The following COL25A1 variants were observed in gnomAD, a reference collection of about 807,000 sequenced individuals.
COL25A1 encodes collagen alpha-1(XXV) chain.
COL25A1 carries 103 observed loss-of-function variants against 128.4 expected under a neutral mutation model. That is an observed-to-expected ratio of 0.80 (90% confidence interval 0.68 to 0.94). The LOEUF is 0.94. COL25A1 is among the 40% of genes least tolerant of loss of function. COL25A1 has a pLI of 0.00. For missense variants in COL25A1, 745 were observed against 840.0 expected (o/e 0.89, Z 1.40); for synonymous variants, 279 against 277.2 (o/e 1.01, Z -0.06).
intron 16 of COL25A1, among the ~76,000 whole-genome samples, chr4:108,893,023 A>AT (rs1741698040): frequency 6.6e-6 from 1 of 152,160 alleles, no homozygotes; most frequent in Non-Finnish European, 1.5e-5. Flanking sequence ...TTCAGGTGTG[A>AT]TTTTATGAAA....
intron 19 of COL25A1, among the ~76,000 whole-genome samples, chr4:108,872,699 C>T (rs887769856): frequency 6.6e-6 from 1 of 151,644 alleles, no homozygotes; most frequent in African/African-American, 2.4e-5. Flanking sequence ...TATACACACA[C>T]ACACACACAT....
At chr4:108,905,853 G>GT (rs1396930296) in intron 13 of COL25A1, among the ~76,000 whole-genome samples, 3 of 151,466 alleles carry the variant, frequency 2.0e-5, no homozygotes, top group African/African-American at 7.3e-5. Context: ...AGTATGTCGG[G>GT]GGGGGGTGCG....
intron 8 of COL25A1, among the ~76,000 whole-genome samples, chr4:108,974,033 G>A (rs1752180911): frequency 1.3e-5 from 2 of 152,146 alleles, no homozygotes; most frequent in Non-Finnish European, 2.9e-5. Flanking sequence ...AATCCATATG[G>A]CCTCTATGTT....
chr4:108,822,738 T>C (rs550830720), intron 35 of COL25A1, among the ~76,000 whole-genome samples: 6 of 152,346 alleles, frequency 3.9e-5, no homozygotes, highest in Middle Eastern at 3.4e-3. Context: ...ATATCATCTT[T>C]AAAACACACT....
chr4:108,970,763 A>G (rs1212165007), intron 8 of COL25A1, among the ~76,000 whole-genome samples: 1 of 152,162 alleles, frequency 6.6e-6, no homozygotes, highest in East Asian at 1.9e-4. Context: ...TATGTATTCA[A>G]CTTCTAAAAA....
At chr4:108,939,719 ATAATT>A (rs1419033125) in intron 10 of COL25A1, among the ~76,000 whole-genome samples, 3 of 152,190 alleles carry the variant, frequency 2.0e-5, no homozygotes, top group Non-Finnish European at 2.9e-5. Context: ...CATTGAATAA[ATAATT>A]TAATCCAGTA....
At chr4:109,214,898 G>T (rs577455202) in intron 3 of COL25A1, among the ~76,000 whole-genome samples, 18 of 152,224 alleles carry the variant, frequency 1.2e-4, no homozygotes, top group African/African-American at 4.1e-4. Context: ...TTTCATTCTG[G>T]TTTAGTCTGG....
chr4:109,101,575 T>C (rs1765894476), intron 3 of COL25A1, among the ~76,000 whole-genome samples: 1 of 152,232 alleles, frequency 6.6e-6, no homozygotes, highest in South Asian at 2.1e-4. Context: ...ATCACTACTC[T>C]GTTTGCAGAA....
intron 32 of COL25A1, among the ~76,000 whole-genome samples, chr4:108,829,387 GTATCTATCTATCTATCTATCTATC>G (rs34296727): frequency 2.2e-4 from 33 of 147,678 alleles, no homozygotes; most frequent in African/African-American, 3.8e-4. Flanking sequence ...GTGTAAGTGT[GTATCTATCTATCTATCTATCTATC>G]TATCTATCTA....
intron 6 of COL25A1, among the ~76,000 whole-genome samples, chr4:108,992,100 C>T (rs1754286244): frequency 6.6e-6 from 1 of 152,098 alleles, no homozygotes; most frequent in Non-Finnish European, 1.5e-5. Flanking sequence ...GTGCAGTTGT[C>T]CGATGGTACT....
At chr4:109,191,390 G>C (rs918047997) in intron 3 of COL25A1, among the ~76,000 whole-genome samples, 4 of 152,138 alleles carry the variant, frequency 2.6e-5, no homozygotes, top group Admixed American at 1.3e-4. Context: ...TCATACCCTT[G>C]TGTGCCATAC....
At chr4:109,077,832 G>A (rs541667656) in intron 3 of COL25A1, among the ~76,000 whole-genome samples, 1 of 152,302 alleles carries the variant, frequency 6.6e-6, no homozygotes, top group African/African-American at 2.4e-5. Context: ...AATGTGAGGA[G>A]GTCATTTATA....
chr4:109,081,079 C>T (rs1763793708), intron 3 of COL25A1, among the ~76,000 whole-genome samples: 1 of 152,168 alleles, frequency 6.6e-6, no homozygotes, highest in Non-Finnish European at 1.5e-5. Flanking sequence ...GCATTTCATG[C>T]ATGGTCAATA....
chr4:109,122,483 G>T (rs1768193354), intron 3 of COL25A1, among the ~76,000 whole-genome samples: 1 of 152,044 alleles, frequency 6.6e-6, no homozygotes, highest in African/African-American at 2.4e-5. Flanking sequence ...GAGGGGAGAA[G>T]AAGGGAAGTC....
intron 3 of COL25A1, among the ~76,000 whole-genome samples, chr4:109,299,956 C>A (rs1355036910): frequency 1.3e-5 from 2 of 151,910 alleles, no homozygotes; most frequent in East Asian, 3.9e-4. Context: ...TTCCCTGAAG[C>A]TACACAGGAA....
chr4:109,029,801 TCATA>T (rs1758660659), intron 5 of COL25A1, among the ~76,000 whole-genome samples: 1 of 152,158 alleles, frequency 6.6e-6, no homozygotes, highest in Non-Finnish European at 1.5e-5. Context: ...TACAGAGTAC[TCATA>T]CAAATTTGTA....
chr4:108,909,345 A>G (rs776388063), intron 13 of COL25A1, among the ~76,000 whole-genome samples: 1 of 152,242 alleles, frequency 6.6e-6, no homozygotes, highest in Non-Finnish European at 1.5e-5. Context: ...AAAGTAGACA[A>G]GTATATCAGC....
At chr4:109,133,728 A>G (rs1769436751) in intron 3 of COL25A1, among the ~76,000 whole-genome samples, 1 of 152,212 alleles carries the variant, frequency 6.6e-6, no homozygotes, top group Admixed American at 6.5e-5. Flanking sequence ...AAATATTTTA[A>G]AGTAAAAGAA....
chr4:109,158,980 T>C (rs763917), intron 3 of COL25A1, among the ~76,000 whole-genome samples: 76,935 of 151,840 alleles, frequency 0.51, 21,946 homozygotes, highest in Non-Finnish European at 0.65. Context: ...GTATATTGTA[T>C]TTTATTATGT....
Sources: allele counts gnomAD v4.1 joint callset (sites outside exome capture counted in the v4.1 genomes callset), GRCh38; gene constraint gnomAD v4.1.1; transcripts MANE v1.5; gene names NCBI Gene and HGNC (gene_info 2026-07-23, HGNC 2026-07-21).